Variants in RBPMS observed in about 807,000 individuals in gnomAD.
RBPMS encodes RNA-binding protein with multiple splicing.
Under a neutral mutation model 26.8 loss-of-function variants are expected in RBPMS, and 7 were observed. The ratio of observed to expected loss-of-function variants is 0.26; its 90% confidence interval spans 0.15 to 0.49. The LOEUF is 0.49. Ranked by LOEUF, RBPMS falls within the 20% of genes least tolerant of loss-of-function variation. The pLI, the probability that RBPMS is intolerant of heterozygous loss-of-function variation, is 0.98. For missense variants in RBPMS, 186 were observed against 250.0 expected, an observed-to-expected ratio of 0.74 and a Z score of 1.73; for synonymous variants, 96 against 93.3, an observed-to-expected ratio of 1.03 and a Z score of -0.17.
At chr8:30,412,660 A>C (rs1376447025) in intron 1 of RBPMS, among the ~76,000 whole-genome samples, 1 of 152,170 alleles carries the variant, frequency 6.6e-6, no homozygotes, top group African/African-American at 2.4e-5. Context: ...GAATTATTTG[A>C]AGTTGGTTCA....
intron 1 of RBPMS, among the ~76,000 whole-genome samples, chr8:30,435,769 C>T (rs965428207): frequency 2.6e-5 from 4 of 152,180 alleles, no homozygotes; most frequent in African/African-American, 9.7e-5. Context: ...AAAGATAAAT[C>T]AGTGACTGGA....
chr8:30,441,017 A>G (rs1158456396), intron 1 of RBPMS, among the ~76,000 whole-genome samples: 2 of 135,364 alleles, frequency 1.5e-5, no homozygotes, highest in Non-Finnish European at 3.0e-5. Context: ...ATTTTTTTGT[A>G]GAGACAGTGT....
chr8:30,511,803 A>C (rs1278904845), intron 5 of RBPMS, among the ~76,000 whole-genome samples: 2 of 151,868 alleles, frequency 1.3e-5, no homozygotes, highest in Non-Finnish European at 2.9e-5. Context: ...CAGCCTGGGC[A>C]ACAGAGTGAG....
chr8:30,444,598 T>G lies in RBPMS; in HGVS notation c.67-30181T>G, dbSNP rs1329831165. 3 of 152,276 alleles carry G rather than the reference T, an allele frequency of 2.0e-5. No homozygotes were observed. The East Asian group carries it at 5.8e-4, about 29-fold the overall frequency. 9.4% of individuals were successfully genotyped at this position (152,276 alleles called of 1,614,324 possible). On this transcript the variant is annotated intron_variant, in intron 1 of 8. Transcript: ENST00000397323. ...TTTAAAAGAGTAGTTTAAATCATAG[T>G]GGTTTAAAGTGGATGTAGTGAAGGC...
intron 5 of RBPMS, among the ~76,000 whole-genome samples, chr8:30,507,986 T>C (rs1026527537): frequency 2.6e-5 from 4 of 152,202 alleles, no homozygotes; most frequent in Non-Finnish European, 5.9e-5. Context: ...GGCTGAATAG[T>C]GTCCCCCAGA....
At chr8:30,554,294 CCAAATG>C (rs1826650275) in intron 6 of RBPMS, among the ~76,000 whole-genome samples, 1 of 152,182 alleles carries the variant, frequency 6.6e-6, no homozygotes, top group Admixed American at 6.5e-5. Context: ...CTTAGATCCA[CCAAATG>C]CTACCACTGG....
At chr8:30,503,038 C>T (rs1820720998) in intron 4 of RBPMS, among the ~76,000 whole-genome samples, 3 of 1,178 alleles carry the variant, frequency 2.5e-3, no homozygotes, top group East Asian at 0.14. Flanking sequence ...GAGTCATGCT[C>T]ATGAAGTTCC....
chr8:30,557,728 G>A (rs1036859883), intron 6 of RBPMS, among the ~76,000 whole-genome samples: 4 of 152,238 alleles, frequency 2.6e-5, no homozygotes, highest in African/African-American at 7.2e-5. Flanking sequence ...GCTGCTCATG[G>A]TGGTCATGGG....
chr8:30,518,978 A>G (rs1822695578), intron 5 of RBPMS, among the ~76,000 whole-genome samples: 1 of 151,916 alleles, frequency 6.6e-6, no homozygotes, highest in African/African-American at 2.4e-5. Flanking sequence ...ATTTTATTAA[A>G]AAGTCTCTCC....
At chr8:30,498,348 A>G (rs767573883) in intron 4 of RBPMS, among the ~76,000 whole-genome samples, 2 of 152,172 alleles carry the variant, frequency 1.3e-5, no homozygotes, top group Non-Finnish European at 2.9e-5. Context: ...CTTTTAGTCA[A>G]TATTTATAAT....
At chr8:30,420,700 G>A (rs928264892) in intron 1 of RBPMS, among the ~76,000 whole-genome samples, 1 of 152,164 alleles carries the variant, frequency 6.6e-6, no homozygotes, top group Admixed American at 6.6e-5. Context: ...ACTATCTTTT[G>A]GGAAAATTAC....
chr8:30,530,392 A>G (rs866511989), intron 5 of RBPMS, among the ~76,000 whole-genome samples: 67 of 152,230 alleles, frequency 4.4e-4, no homozygotes, highest in African/African-American at 1.5e-3. Flanking sequence ...TGGGTTTCTC[A>G]GTCTCCACTA....
At chr8:30,524,487 A>G (rs1428957012) in intron 5 of RBPMS, among the ~76,000 whole-genome samples, 1 of 152,164 alleles carries the variant, frequency 6.6e-6, no homozygotes, top group Non-Finnish European at 1.5e-5. Context: ...ACTCAGGTCT[A>G]TATATGTAAA....
chr8:30,415,129 C>A (rs752135473), intron 1 of RBPMS, among the ~76,000 whole-genome samples: 1 of 152,306 alleles, frequency 6.6e-6, no homozygotes, highest in African/African-American at 2.4e-5. Flanking sequence ...ACCATCTAAC[C>A]TGCACCCCTG....
chr8:30,559,802 A>G (rs1287333875), intron 7 of RBPMS, among the ~76,000 whole-genome samples: 3 of 152,230 alleles, frequency 2.0e-5, no homozygotes, highest in Non-Finnish European at 2.9e-5. Flanking sequence ...TAGAAATGCT[A>G]AAGAGATCAT....
chr8:30,447,306 A>G (rs1042658653), intron 1 of RBPMS, among the ~76,000 whole-genome samples: 1 of 152,200 alleles, frequency 6.6e-6, no homozygotes, highest in Non-Finnish European at 1.5e-5. Flanking sequence ...AGGGTACTCA[A>G]CCTGTACAGT....
intron 6 of RBPMS, among the ~76,000 whole-genome samples, chr8:30,554,315 G>C (rs748377810): frequency 3.9e-5 from 6 of 152,184 alleles, no homozygotes; most frequent in Non-Finnish European, 7.3e-5. Context: ...CACTGGAAGG[G>C]ACCTTCCAGA....
intron 5 of RBPMS, among the ~76,000 whole-genome samples, chr8:30,510,914 G>T (rs904123656): frequency 6.6e-6 from 1 of 151,926 alleles, no homozygotes; most frequent in African/African-American, 2.4e-5. Flanking sequence ...TAGTTCTTTC[G>T]AAGATAATTC....
At chr8:30,547,464 TTTC>T (rs760319787) in intron 6 of RBPMS, 1 of 1,575,080 alleles carries the variant, frequency 6.3e-7, no homozygotes, top group South Asian at 1.2e-5. Context: ...ACAAAAACTA[TTTC>T]TTGACGACCT....
Sources: gnomAD v4.1 joint callset for allele counts (sites outside exome capture counted in the v4.1 genomes callset) on GRCh38, gnomAD v4.1.1 for gene constraint, MANE v1.5 for transcripts, NCBI Gene and HGNC (gene_info 2026-07-23, HGNC 2026-07-21) for gene names.